TNPO1: variants seen among roughly 807,000 people sequenced by gnomAD.
TNPO1 encodes transportin 1, also known as transportin-1.
A neutral mutation model predicts 119.5 loss-of-function variants in TNPO1; 8 were observed. The ratio of observed to expected loss-of-function variants is 0.07; its 90% CI spans 0.04 to 0.12. TNPO1 has a LOEUF of 0.12. TNPO1 is among the 10% of genes least tolerant of loss of function. The pLI is 1.00. For missense variants in TNPO1, 576 were observed against 1,089.8 expected (o/e 0.53, Z 6.64); for synonymous variants, 362 against 363.0 (o/e 1.00, Z 0.03).
intron 6 of TNPO1, among the ~76,000 whole-genome samples, chr5:72,872,399 CAT>C (rs918571965): frequency 1.2e-4 from 19 of 152,288 alleles, no homozygotes; most frequent in Middle Eastern, 3.4e-3. Context: ...AAAATTTGCA[CAT>C]GTCCTTTCTA....
rs1745291427 is a variant in TNPO1, at chr5:72,848,686, C to T, written c.129+188C>T. Among the ~76,000 whole-genome samples, 15 of 148,414 alleles carry T rather than the reference C, an allele frequency of 1.0e-4. 1 individual carries two copies. The South Asian group carries it at 3.1e-3, about 31-fold the overall frequency. On this transcript the variant is annotated intron_variant, in intron 2 of 24. Coordinates refer to ENST00000337273, the MANE Select transcript of TNPO1 (RefSeq NM_002270.4). Reference sequence around the variant, plus strand: ...CTGCCGGGCGACTCGCGCACGCGGCCCTGGTGCCTGGGCCGGGGGCGCCGC... The same window carrying T: ...CTGCCGGGCGACTCGCGCACGCGGCTCTGGTGCCTGGGCCGGGGGCGCCGC...
chr5:72,877,684 C>T (rs1486700524), intron 9 of TNPO1, among the ~76,000 whole-genome samples: 1 of 150,642 alleles, frequency 6.6e-6, no homozygotes, highest in Non-Finnish European at 1.5e-5. Context: ...GTTTTTTTTC[C>T]AAAAAATAAT....
chr5:72,856,795 T>C (rs1270947741), intron 4 of TNPO1, among the ~76,000 whole-genome samples: 1 of 152,208 alleles, frequency 6.6e-6, no homozygotes. Context: ...TGCTTAATTA[T>C]AGTAACTCGT....
At chr5:72,845,732 C>A (rs1439099689) in intron 1 of TNPO1, among the ~76,000 whole-genome samples, 1 of 152,076 alleles carries the variant, frequency 6.6e-6, no homozygotes, top group Non-Finnish European at 1.5e-5. Flanking sequence ...GAAAAGAAAA[C>A]CCTAGTTGAC....
intron 14 of TNPO1, among the ~76,000 whole-genome samples, chr5:72,891,542 T>G (rs1579918992): frequency 6.6e-6 from 1 of 152,304 alleles, no homozygotes; most frequent in African/African-American, 2.4e-5. Flanking sequence ...GTGTGTTTAT[T>G]GATAGACTCT....
chr5:72,902,019 G>C (rs149902385), intron 22 of TNPO1, among the ~76,000 whole-genome samples: 7 of 151,836 alleles, frequency 4.6e-5, no homozygotes, highest in African/African-American at 1.7e-4. Context: ...AGGTTGCAAT[G>C]AGCCGAGATC....
rs114152805 is a variant in TNPO1 at position 72,874,527 on chromosome 5, G to A, written c.679-1088G>A. 8.5e-3 allele frequency among the ~76,000 whole-genome samples: 1,298 copies of A among 152,278 alleles called. 11 individuals are homozygous for A. Among genetic ancestry groups the A allele is most frequent in the South Asian group, 0.015 (72 of 4,830 alleles). ...AATAAAATTTAATGGAGGATGTACT[G>A]TTAATGGCAATGCCTGCTGGGAAAA... On this transcript the variant is annotated intron_variant, in intron 7 of 24. Transcript: ENST00000337273.
At chr5:72,858,953 G>GTTT (rs35567162) in intron 4 of TNPO1, among the ~76,000 whole-genome samples, 1 of 135,748 alleles carries the variant, frequency 7.4e-6, no homozygotes. Flanking sequence ...ATCTGGGAAG[G>GTTT]TTTTTTTTTT....
chr5:72,885,350 A>G (rs139142159), intron 11 of TNPO1, among the ~76,000 whole-genome samples: 4 of 152,304 alleles, frequency 2.6e-5, no homozygotes, highest in African/African-American at 7.2e-5. Context: ...CTACTTTCAG[A>G]TTAGGGGAGC....
At chr5:72,832,074 G>A (rs964113981) in intron 1 of TNPO1, among the ~76,000 whole-genome samples, 1 of 151,806 alleles carries the variant, frequency 6.6e-6, no homozygotes, top group Non-Finnish European at 1.5e-5. Flanking sequence ...ACTCTCTTTT[G>A]TGTATTTAGG....
At position 72,913,475 on chromosome 5, in the gene TNPO1, T is replaced by C. The variant is rs559093495; in HGVS notation, c.*4802T>C. The stretch of plus-strand genomic sequence containing the variant: ...GATGCATAATAGCTGAATGTATGCA[T>C]GACTTTGAAAGAAGTTAAAATGGTG... On this transcript the variant is annotated 3_prime_UTR_variant, in exon 25 of 25. Coordinates refer to ENST00000337273, the MANE Select transcript of TNPO1 (RefSeq NM_002270.4). 1 of 152,642 alleles carries C rather than the reference T, an allele frequency of 6.6e-6. No homozygotes were observed. Among genetic ancestry groups the C allele is most frequent in the South Asian group, 2.1e-4 (1 of 4,832 alleles). 9.5% of individuals were successfully genotyped at this position (152,642 alleles called of 1,614,324 possible).
At chr5:72,850,589 AAT>A (rs1427684639) in intron 2 of TNPO1, among the ~76,000 whole-genome samples, 1 of 152,120 alleles carries the variant, frequency 6.6e-6, no homozygotes, top group Non-Finnish European at 1.5e-5. Context: ...AGAAAGATGT[AAT>A]AGAGCATTTT....
At chr5:72,820,806 G>A (rs765019734) in intron 1 of TNPO1, among the ~76,000 whole-genome samples, 1 of 151,974 alleles carries the variant, frequency 6.6e-6, no homozygotes, top group East Asian at 1.9e-4. Context: ...ATAATGAATG[G>A]GTAAGTTGCA....
chr5:72,879,597 C>T (rs1156916146), intron 9 of TNPO1, among the ~76,000 whole-genome samples: 1 of 152,190 alleles, frequency 6.6e-6, no homozygotes, highest in Non-Finnish European at 1.5e-5. Context: ...TTGCCTCAAG[C>T]AATTCATACT....
chr5:72,849,226 A>G (rs1361553336), intron 2 of TNPO1, among the ~76,000 whole-genome samples: 3 of 152,126 alleles, frequency 2.0e-5, no homozygotes, highest in African/African-American at 7.2e-5. Flanking sequence ...TGGTGTAGTG[A>G]TCCTGTTGCT....
chr5:72,908,962 T>G lies in TNPO1; in HGVS notation c.*289T>G, dbSNP rs548852623. On this transcript the variant is annotated 3_prime_UTR_variant, in exon 25 of 25. Transcript: ENST00000337273. ...GTGAAGAAGCAAAAAAAAAAAAATC[T>G]ATTCAGTCTACTCACAAAACAGTAC... The G allele has an allele frequency of 5.3e-4, 236 of 446,968 alleles. No individual in the cohort carries two copies. Among genetic ancestry groups the G allele is most frequent in the Non-Finnish European group, 9.9e-4 (222 of 223,190 alleles). The allele number at this position is 446,968 out of a possible 1,614,324, so 27.7% of individuals were successfully genotyped here. A position where few individuals can be genotyped will look rare whatever the true frequency, so the allele number is the denominator to read the frequency against.
intron 8 of TNPO1, 119 bp downstream of exon 8, chr5:72,875,856 T>A: frequency 8.2e-7 from 1 of 1,221,058 alleles, no homozygotes; most frequent in Non-Finnish European, 1.1e-6. Context: ...GTCTTAAAAT[T>A]ATAAGTTATC....
At position 72,909,420 on chromosome 5, in the gene TNPO1, C is replaced by G. The variant is rs1202706395; in HGVS notation, c.*747C>G. On this transcript the variant is annotated 3_prime_UTR_variant, in exon 25 of 25. Transcript: ENST00000337273. ...AATAAATGGGGTTGGGCATATCAAA[C>G]TAAAGATGACATCTTAATTTTGCAT... is the stretch of plus-strand genomic sequence containing the variant. 1 of 152,070 alleles carries G rather than the reference C, an allele frequency of 6.6e-6. No homozygotes were observed. Among genetic ancestry groups the G allele is most frequent in the Non-Finnish European group, 1.5e-5 (1 of 67,996 alleles). 9.4% of individuals were successfully genotyped at this position (152,070 alleles called of 1,614,324 possible).
At chr5:72,872,938 A>G (rs1354657100) in intron 7 of TNPO1, among the ~76,000 whole-genome samples, 1 of 152,100 alleles carries the variant, frequency 6.6e-6, no homozygotes. Flanking sequence ...TTCTACTTGT[A>G]TCATTCTACA....
Sources: allele counts gnomAD v4.1 joint callset (sites outside exome capture counted in the v4.1 genomes callset), GRCh38; gene constraint gnomAD v4.1.1; transcripts MANE v1.5; gene names NCBI Gene and HGNC (gene_info 2026-07-23, HGNC 2026-07-21).